Variants in HNF4G observed in about 807,000 individuals in gnomAD.
HNF4G encodes the protein hepatocyte nuclear factor 4-gamma.
HNF4G carries 21 observed loss-of-function variants against 50.9 expected under a neutral mutation model. That is an observed-to-expected ratio of 0.41 (90% CI 0.29 to 0.59). The LOEUF is 0.59. HNF4G is among the 20% of genes least tolerant of loss of function. HNF4G has a pLI of 0.26. For missense variants in HNF4G, 527 were observed against 559.4 expected, an observed-to-expected ratio of 0.94 and a Z score of 0.58; for synonymous variants, 198 against 185.6, an observed-to-expected ratio of 1.07 and a Z score of -0.54.
At chr8:75,414,885 T>A (rs59490393) in intron 1 of HNF4G, among the ~76,000 whole-genome samples, 1 of 152,220 alleles carries the variant, frequency 6.6e-6, no homozygotes, top group Non-Finnish European at 1.5e-5. Context: ...TGTGTACACT[T>A]ACATTTGTCT....
chr8:75,551,511 A>G lies in HNF4G; in HGVS notation c.489+17A>G. On this transcript the variant is annotated intron_variant, in intron 4 of 9. Coordinates refer to ENST00000396423, the MANE Select transcript of HNF4G (RefSeq NM_004133.5). ...TCTCGCCAGGTACCTGTGGCACGGCAGCATCAAACCCTATTTAATAAAATC... is the reference window on the plus strand; with the variant it reads ...TCTCGCCAGGTACCTGTGGCACGGCGGCATCAAACCCTATTTAATAAAATC... The G allele has an allele frequency of 7.2e-7, 1 of 1,381,450 alleles. No homozygotes were observed. Among genetic ancestry groups the G allele is most frequent in the Admixed American group, 1.7e-5 (1 of 59,564 alleles). 85.6% of individuals were successfully genotyped at this position (1,381,450 alleles called of 1,614,324 possible). A position where few individuals can be genotyped will look rare whatever the true frequency, so the allele number is the denominator to read the frequency against.
At chr8:75,533,914 GTTTA>G (rs1166788551) in intron 2 of HNF4G, among the ~76,000 whole-genome samples, 3 of 151,728 alleles carry the variant, frequency 2.0e-5, no homozygotes, top group Non-Finnish European at 3.0e-5. Context: ...TTATTTATAT[GTTTA>G]TTTATTTATC....
intron 2 of HNF4G, among the ~76,000 whole-genome samples, chr8:75,499,183 T>C (rs184629017): frequency 1.0e-3 from 155 of 152,192 alleles, no homozygotes; most frequent in Admixed American, 4.1e-3. Context: ...AACAGGGTTA[T>C]AGGATAGATA....
intron 1 of HNF4G, among the ~76,000 whole-genome samples, chr8:75,438,848 T>C (rs1811203928): frequency 6.6e-6 from 1 of 152,130 alleles, no homozygotes; most frequent in South Asian, 2.1e-4. Flanking sequence ...CTATGTATAA[T>C]AGTTTTTGCT....
chr8:75,417,917 G>T (rs1472892194), intron 1 of HNF4G, among the ~76,000 whole-genome samples: 1 of 151,570 alleles, frequency 6.6e-6, no homozygotes, highest in Non-Finnish European at 1.5e-5. Flanking sequence ...AGTTTTGCAC[G>T]ATAAATTTTG....
In HNF4G at chr8:75,440,192, C is replaced by G. The variant is rs186905561; in HGVS notation, c.-144+32030C>G. ...ATATCACCAGCCTATACAGTTTACA[C>G]AGAGATTAAAATAGTTGCCAAGTTA... On this transcript the variant is annotated intron_variant, in intron 1 of 10. Transcript: ENST00000354370. Among the ~76,000 whole-genome samples, 430 of 152,284 alleles carry G rather than the reference C, an allele frequency of 2.8e-3. 1 individual carries two copies. The highest frequency in any genetic ancestry group is 6.8e-3 in the Middle Eastern group (2 of 294).
intron 2 of HNF4G, among the ~76,000 whole-genome samples, chr8:75,534,579 G>A (rs563583033): frequency 9.9e-5 from 15 of 151,872 alleles, no homozygotes; most frequent in African/African-American, 3.6e-4. Flanking sequence ...AAATAACGTA[G>A]TGTTTTAATA....
At chr8:75,559,071 T>C (rs1248632159) in intron 8 of HNF4G, 34 bp downstream of exon 8, 1 of 1,258,478 alleles carries the variant, frequency 7.9e-7, no homozygotes, top group African/African-American at 1.5e-5. Flanking sequence ...CTTTATTGAT[T>C]AGAATCACAC....
chr8:75,468,354 C>T (rs1812035177), intron 1 of HNF4G, among the ~76,000 whole-genome samples: 1 of 152,132 alleles, frequency 6.6e-6, no homozygotes, highest in Non-Finnish European at 1.5e-5. Flanking sequence ...CATGCTTAGT[C>T]TGCATCTCCC....
intron 1 of HNF4G, among the ~76,000 whole-genome samples, chr8:75,465,495 A>G (rs1242282577): frequency 6.6e-6 from 1 of 152,164 alleles, no homozygotes; most frequent in South Asian, 2.1e-4. Context: ...AAAAATTAAA[A>G]TAAACAAATA....
rs1807468050 is a variant in HNF4G, at chr8:75,566,616, A to T, written c.*2520A>T. On this transcript the variant is annotated 3_prime_UTR_variant, in exon 10 of 10. Coordinates refer to ENST00000396423, the MANE Select transcript of HNF4G (RefSeq NM_004133.5). ...ATTGATAAGGGAAGTTATTACTTTT[A>T]TATAGTATTCAACTTTTTTCAGGTA... The T allele has an allele frequency of 6.6e-6, 1 of 152,490 alleles. No individual in the cohort carries two copies. Among genetic ancestry groups the T allele is most frequent in the Non-Finnish European group, 1.5e-5 (1 of 68,006 alleles). The allele number at this position is 152,490 out of a possible 1,614,324, so 9.4% of individuals were successfully genotyped here.
chr8:75,469,107 T>C (rs1159023360), intron 1 of HNF4G, among the ~76,000 whole-genome samples: 1 of 152,220 alleles, frequency 6.6e-6, no homozygotes, highest in Non-Finnish European at 1.5e-5. Context: ...CTGATTTGGC[T>C]TCAGGTCTGA....
At chr8:75,542,833 C>G (rs941006448) in intron 1 of HNF4G, among the ~76,000 whole-genome samples, 3 of 152,090 alleles carry the variant, frequency 2.0e-5, no homozygotes, top group African/African-American at 7.2e-5. Flanking sequence ...TTGCCATAAT[C>G]TAGAGGAAAG....
intron 1 of HNF4G, among the ~76,000 whole-genome samples, chr8:75,488,431 G>A (rs1174080180): frequency 6.6e-6 from 1 of 151,478 alleles, no homozygotes; most frequent in African/African-American, 2.4e-5. Flanking sequence ...GTGCCACCAT[G>A]CCTGGCTATT....
At chr8:75,562,384 T>C (rs747430480) in intron 9 of HNF4G, among the ~76,000 whole-genome samples, 5 of 152,208 alleles carry the variant, frequency 3.3e-5, no homozygotes, top group African/African-American at 7.2e-5. Flanking sequence ...TGGCATAATC[T>C]TGGATTTCCA....
At chr8:75,417,588 C>T (rs1419371634) in intron 1 of HNF4G, among the ~76,000 whole-genome samples, 2 of 152,272 alleles carry the variant, frequency 1.3e-5, no homozygotes, top group Admixed American at 1.3e-4. Flanking sequence ...TCAGTTTTTA[C>T]AGTATCTTCT....
chr8:75,554,679 A>C (rs1807063584), intron 5 of HNF4G, among the ~76,000 whole-genome samples: 1 of 152,188 alleles, frequency 6.6e-6, no homozygotes, highest in Admixed American at 6.5e-5. Flanking sequence ...GTAAAAATAC[A>C]GATTTCTTCA....
At chr8:75,442,562 G>C (rs572811988) in intron 1 of HNF4G, among the ~76,000 whole-genome samples, 4 of 151,832 alleles carry the variant, frequency 2.6e-5, no homozygotes, top group African/African-American at 4.8e-5. Flanking sequence ...AACAGAGAGA[G>C]ACCTGGTCTC....
At chr8:75,468,368 T>G (rs1812035614) in intron 1 of HNF4G, among the ~76,000 whole-genome samples, 1 of 152,158 alleles carries the variant, frequency 6.6e-6, no homozygotes, top group South Asian at 2.1e-4. Flanking sequence ...ATCTCCCACT[T>G]TGTGTTCATT....
Sources: gnomAD v4.1 joint callset for allele counts (sites outside exome capture counted in the v4.1 genomes callset) on GRCh38, gnomAD v4.1.1 for gene constraint, MANE v1.5 for transcripts, NCBI Gene and HGNC (gene_info 2026-07-23, HGNC 2026-07-21) for gene names.